Variants in PPARGC1B observed in about 807,000 individuals in gnomAD.
PPARGC1B encodes the protein peroxisome proliferator-activated receptor gamma coactivator 1-beta.
Under a neutral mutation model 101.6 loss-of-function variants are expected in PPARGC1B, and 34 were observed. That is an observed-to-expected ratio of 0.33 (90% CI 0.25 to 0.45). PPARGC1B has a LOEUF of 0.45. Ranked by LOEUF, PPARGC1B falls within the 20% of genes least tolerant of loss-of-function variation. The pLI, the probability that PPARGC1B is intolerant of heterozygous loss-of-function variation, is 1.00. For synonymous variants in PPARGC1B, 548 were observed against 539.3 expected (o/e 1.02, Z -0.22); for missense variants, 1,234 against 1,317.6 (o/e 0.94, Z 0.98).
intron 3 of PPARGC1B, 44 bp from the exon 4 acceptor site, chr5:149,830,723 C>G (rs757368212): frequency 1.4e-6 from 2 of 1,443,524 alleles, no homozygotes; most frequent in Admixed American, 3.3e-5. Context: ...TGTCCTCTGG[C>G]TGTGGCTCAG....
rs1755389991 is a variant in PPARGC1B, at chr5:149,753,427, C to CA, written c.78+23010dup. Among the ~76,000 whole-genome samples the CA allele has an allele frequency of 2.0e-5, 3 of 152,092 alleles. No individual in the cohort carries two copies. In the South Asian group the frequency reaches 6.2e-4, roughly 31 times the overall value. On this transcript the variant is annotated intron_variant, in intron 1 of 11. Transcript: ENST00000309241. ...TTCACCATGTTGGCCATGCTGGTCT[C>CA]AAACTCCTGACCTCAAGTGATCCTC...
chr5:149,762,155 G>GT (rs145066643), intron 1 of PPARGC1B, among the ~76,000 whole-genome samples: 10,793 of 133,624 alleles, frequency 0.081, 445 homozygotes, highest in South Asian at 0.13. Context: ...AATCCCATGG[G>GT]TTTTTTTTTT....
At chr5:149,794,691 A>G (rs572584097) in intron 1 of PPARGC1B, among the ~76,000 whole-genome samples, 2 of 152,330 alleles carry the variant, frequency 1.3e-5, no homozygotes, top group African/African-American at 2.4e-5. Context: ...TTTGCCCTAT[A>G]TAAGGAGGCT....
intron 1 of PPARGC1B, among the ~76,000 whole-genome samples, chr5:149,796,027 C>T (rs952130382): frequency 1.3e-5 from 2 of 152,064 alleles, no homozygotes; most frequent in African/African-American, 2.4e-5. Flanking sequence ...TACTGTGTGC[C>T]GAGGTGCAGC....
At position 149,832,223 on chromosome 5, in the gene PPARGC1B, C is replaced by T. The variant is rs1360591492; in HGVS notation, c.583-433C>T. 1.3e-5 allele frequency among the ~76,000 whole-genome samples: 2 copies of T among 152,166 alleles called. No homozygotes were observed. The highest frequency in any genetic ancestry group is 1.9e-4 in the East Asian group (1 of 5,190). On this transcript the variant is annotated intron_variant, in intron 4 of 11. Coordinates refer to ENST00000309241, the MANE Select transcript of PPARGC1B (RefSeq NM_133263.4). The surrounding 1 kb of genome is among the most constrained non-coding windows in gnomAD (Gnocchi z 4.9). ...ACTCGGGAGGCTGAGGCAGGAGAAT[C>T]GCTTGAACCTGGGAAGCAGAGGTTG...
Position 149,847,448 on chromosome 5 carries a change from C to T in PPARGC1B, c.2972-10C>T. 1.2e-6 allele frequency: 2 copies of T among 1,607,568 alleles called. No homozygotes were observed. The highest frequency in any genetic ancestry group is 1.1e-5 in the South Asian group (1 of 90,968). On this transcript the variant is annotated splice_polypyrimidine_tract_variant and intron_variant, in intron 11 of 11. Transcript: ENST00000309241. ...TCCCCTCTTCCCTGCCTCTTCACCC[C>T]CATGCCCAGATTCCAATTCAGAAGA...
intron 1 of PPARGC1B, among the ~76,000 whole-genome samples, chr5:149,802,888 A>G (rs1757476098): frequency 6.6e-6 from 1 of 152,178 alleles, no homozygotes. Context: ...GGAGAGGCTG[A>G]TGCTGCTAGT....
At chr5:149,734,793 A>G (rs931035219) in intron 1 of PPARGC1B, among the ~76,000 whole-genome samples, 5 of 152,196 alleles carry the variant, frequency 3.3e-5, no homozygotes, top group Non-Finnish European at 7.3e-5. Flanking sequence ...CTGTTCGTCA[A>G]TAAATTCTGT....
intron 1 of PPARGC1B, among the ~76,000 whole-genome samples, chr5:149,816,552 G>A (rs1561578196): frequency 1.3e-5 from 2 of 152,200 alleles, no homozygotes; most frequent in African/African-American, 4.8e-5. Context: ...GGTTTTTGAA[G>A]GGACCTCTGC....
chr5:149,828,060 C>T (rs1246992939), intron 3 of PPARGC1B, among the ~76,000 whole-genome samples: 3 of 152,158 alleles, frequency 2.0e-5, no homozygotes, highest in Non-Finnish European at 4.4e-5. Context: ...AAAACTGTGG[C>T]CCAGAGTGGG....
chr5:149,736,367 CT>C (rs78624741), intron 1 of PPARGC1B, among the ~76,000 whole-genome samples: 5,051 of 142,678 alleles, frequency 0.035, 224 homozygotes, highest in African/African-American at 0.11. Flanking sequence ...TGCATGCAAT[CT>C]TTTTTTTTTT....
At chr5:149,738,629 G>A (rs1464764509) in intron 1 of PPARGC1B, among the ~76,000 whole-genome samples, 1 of 150,756 alleles carries the variant, frequency 6.6e-6, no homozygotes, top group Non-Finnish European at 1.5e-5. Context: ...TTGAGATGGC[G>A]TCTCACTCTG....
In PPARGC1B at chr5:149,826,772, G is replaced by A; in HGVS notation, c.352G>A (p.Gly118Ser). Reference protein sequence around the residue: ...VGLAAFPALDGGDALSCTSAS... With the variant: ...VGLAAFPALDSGDALSCTSAS... Reference sequence around the variant, plus strand: ...TCTGGCTGCCTTCCCAGCCCTGGATGGTGGAGACGCTCTATCATGCACCTC... The same window carrying A: ...TCTGGCTGCCTTCCCAGCCCTGGATAGTGGAGACGCTCTATCATGCACCTC... The change falls in exon 3 of 12, where the codon GGT becomes AGT. Residue 118 changes from glycine to serine, a missense_variant. This residue lies in a region of PPARGC1B where 734 missense variants were observed against 768.4 expected (regional missense o/e 0.96). Coordinates refer to ENST00000309241, the MANE Select transcript of PPARGC1B (RefSeq NM_133263.4). 1 of 1,614,032 alleles carries A rather than the reference G, an allele frequency of 6.2e-7. No individual in the cohort carries two copies. Among genetic ancestry groups the A allele is most frequent in the Non-Finnish European group, 8.5e-7 (1 of 1,179,956 alleles).
chr5:149,830,075 G>A (rs913605314), intron 3 of PPARGC1B, among the ~76,000 whole-genome samples: 2 of 146,984 alleles, frequency 1.4e-5, no homozygotes, highest in Non-Finnish European at 3.0e-5. Context: ...AAAAAACAGG[G>A]TGGGTTGGAG....
At position 149,836,699 on chromosome 5, in the gene PPARGC1B, A is replaced by T. The variant is rs1056338456; in HGVS notation, c.2244A>T (p.Pro748=). Residue 748 remains proline, a synonymous_variant, in exon 8 of 12, where the codon CCA becomes CCT. Transcript: ENST00000309241. ...ACAGAAGCTGTGATGCTGGCGCCCC[A>T]CCCAAGGACAGCACGCTGCTGAGAG... ...EEDRSCDAGA[P]PKDSTLLRDH... is the part of the protein sequence containing the mutation. 1.2e-6 allele frequency: 2 copies of T among 1,613,622 alleles called. No homozygotes were observed. The highest frequency in any genetic ancestry group is 1.6e-4 in the Middle Eastern group (1 of 6,062).
intron 1 of PPARGC1B, among the ~76,000 whole-genome samples, chr5:149,756,097 G>A (rs988269551): frequency 1.3e-5 from 2 of 152,166 alleles, no homozygotes; most frequent in African/African-American, 4.8e-5. Context: ...TATACAGGGT[G>A]GATTTGAAGT....
chr5:149,803,931 C>A (rs1185132541), intron 1 of PPARGC1B, among the ~76,000 whole-genome samples: 1 of 152,216 alleles, frequency 6.6e-6, no homozygotes, highest in East Asian at 1.9e-4. Flanking sequence ...CCTTGGCTTC[C>A]CTTGGCCTCT....
chr5:149,730,518 T>C lies in PPARGC1B; in HGVS notation c.78+98T>C. ...GGCCGGGAGGCAGCGGTGGGAGCCCTGGGGTAACTGGGGGTTCCAGGCTGC... is the reference window on the plus strand; with the variant it reads ...GGCCGGGAGGCAGCGGTGGGAGCCCCGGGGTAACTGGGGGTTCCAGGCTGC... On this transcript the variant is annotated intron_variant, in intron 1 of 11. Coordinates refer to ENST00000309241, the MANE Select transcript of PPARGC1B (RefSeq NM_133263.4). This position sits in a 1 kb window ranked among gnomAD's most constrained non-coding sequence, Gnocchi z 4.0. 3 of 919,308 alleles carry C rather than the reference T, an allele frequency of 3.3e-6. No individual in the cohort carries two copies. Among genetic ancestry groups the C allele is most frequent in the Non-Finnish European group, 4.7e-6 (3 of 634,784 alleles). 56.9% of individuals were successfully genotyped at this position (919,308 alleles called of 1,614,324 possible).
Position 149,852,282 on chromosome 5 carries a change from C to CCT in PPARGC1B, c.*4725_*4726dup, listed in dbSNP as rs1431259565. The CCT allele has an allele frequency of 2.0e-5, 3 of 152,178 alleles. No homozygotes were observed. Among genetic ancestry groups the CCT allele is most frequent in the African/African-American group, 7.2e-5 (3 of 41,428 alleles). 9.4% of individuals were successfully genotyped at this position (152,178 alleles called of 1,614,324 possible). A position where few individuals can be genotyped will look rare whatever the true frequency, so the allele number is the denominator to read the frequency against. On this transcript the variant is annotated 3_prime_UTR_variant, in exon 12 of 12. Coordinates refer to ENST00000309241, the MANE Select transcript of PPARGC1B (RefSeq NM_133263.4). ...CTTACTTGCTATGTGACCTTGGGCC[C>CCT]CTGTTTCCTCATCTACCAAATGAGA...
Sources: allele counts gnomAD v4.1 joint callset (sites outside exome capture counted in the v4.1 genomes callset), GRCh38; gene constraint gnomAD v4.1.1; regional missense constraint gnomAD v4.1.1; non-coding constraint Gnocchi (gnomAD v3.1); transcripts MANE v1.5; gene names NCBI Gene and HGNC (gene_info 2026-07-23, HGNC 2026-07-21).